Variants in KANK1 observed in about 807,000 individuals in gnomAD.
KANK1 encodes KN motif and ankyrin repeat domains 1.
In KANK1, 109 loss-of-function variants were observed where a neutral mutation model predicts 106.2. The ratio of observed to expected loss-of-function variants is 1.03; its 90% CI spans 0.88 to 1.20. The LOEUF is 1.20. Ranked by LOEUF, KANK1 falls within the 50% of genes most tolerant of loss-of-function variation. The pLI, the probability that KANK1 is intolerant of heterozygous loss-of-function variation, is 0.00. For synonymous variants in KANK1, 873 were observed against 652.2 expected (o/e 1.34, Z -5.16); for missense variants, 2,399 against 1,710.7 (o/e 1.40, Z -7.10).
intron 2 of KANK1, among the ~76,000 whole-genome samples, chr9:710,049 C>T (rs992742055): frequency 6.6e-6 from 1 of 152,140 alleles, no homozygotes; most frequent in African/African-American, 2.4e-5. Flanking sequence ...ACATTTTAGA[C>T]TACAAAAGTG....
At chr9:738,559 C>T in intron 8 of KANK1, 55 bp downstream of exon 8, 22 of 1,405,928 alleles carry the variant, frequency 1.6e-5, no homozygotes, top group South Asian at 2.3e-5. Context: ...GGTTGTGACT[C>T]ATCTCAGAGA....
chr9:472,944 T>C (rs774115218), intron 2 of KANK1, among the ~76,000 whole-genome samples: 5 of 152,198 alleles, frequency 3.3e-5, no homozygotes, highest in Non-Finnish European at 7.3e-5. Flanking sequence ...CAGCTCAGAT[T>C]ACAAAACTAT....
intron 1 of KANK1, among the ~76,000 whole-genome samples, chr9:543,559 CAAAAAAA>C (rs57776331): frequency 8.3e-6 from 1 of 120,484 alleles, no homozygotes; most frequent in Non-Finnish European, 1.9e-5. Flanking sequence ...AACTCTGTCT[CAAAAAAA>C]AAAAAAAAAA....
At chr9:526,417 A>G (rs978488391) in intron 1 of KANK1, among the ~76,000 whole-genome samples, 8 of 151,740 alleles carry the variant, frequency 5.3e-5, no homozygotes, top group Non-Finnish European at 1.2e-4. Context: ...TATTGGCTCT[A>G]GGACAGATTT....
At position 711,758 on chromosome 9, in the gene KANK1, A is replaced by G; in HGVS notation, c.992A>G (p.Gln331Arg). The change falls in exon 3 of 12, where the codon CAG becomes CGG. Residue 331 changes from glutamine to arginine, a missense_variant. Gln to Arg is a conservative substitution (Grantham distance 43). Coordinates refer to ENST00000382297, the MANE Select transcript of KANK1 (RefSeq NM_015158.5). ...KRSYSAGNAS[Q>R]LEQLSRARRS... ...TCCTATAGTGCGGGGAACGCCTCCC[A>G]GCTGGAACAGCTCTCCCGGGCCCGA... is the stretch of plus-strand genomic sequence containing the variant. The G allele has an allele frequency of 6.2e-7, 1 of 1,614,252 alleles. No homozygotes were observed. The highest frequency in any genetic ancestry group is 8.5e-7 in the Non-Finnish European group (1 of 1,180,040).
At chr9:475,033 CAAAT>C (rs2058080224) in intron 3 of KANK1, among the ~76,000 whole-genome samples, 1 of 152,008 alleles carries the variant, frequency 6.6e-6, no homozygotes, top group Non-Finnish European at 1.5e-5. Flanking sequence ...CCGTCTCTCT[CAAAT>C]AATAACTGGT....
rs565691964 is a variant in KANK1 at position 733,340 on chromosome 9, A to C, written c.3245+723A>C. The C allele has an allele frequency of 2.0e-5, 3 of 152,382 alleles. No individual in the cohort carries two copies. In the South Asian group the frequency reaches 6.2e-4, roughly 32 times the overall value. The allele number at this position is 152,382 out of a possible 1,614,324, so 9.4% of individuals were successfully genotyped here. A position where few individuals can be genotyped will look rare whatever the true frequency, so the allele number is the denominator to read the frequency against. Reference sequence around the variant, plus strand: ...TTACCTCTATTTAATTTGGCAAATGAAAGTTTAACTGCATTAAAACAAGGT... The same window carrying C: ...TTACCTCTATTTAATTTGGCAAATGCAAGTTTAACTGCATTAAAACAAGGT... On this transcript the variant is annotated intron_variant, in intron 6 of 11. Transcript: ENST00000382297.
intron 9 of KANK1, among the ~76,000 whole-genome samples, chr9:741,523 T>TAA (rs1835517848): frequency 6.7e-6 from 1 of 148,166 alleles, no homozygotes; most frequent in South Asian, 2.2e-4. Context: ...AGTCTCATTC[T>TAA]GTCACCCAGG....
intron 1 of KANK1, among the ~76,000 whole-genome samples, chr9:664,479 T>C (rs1270992471): frequency 6.6e-6 from 1 of 152,192 alleles, no homozygotes; most frequent in Non-Finnish European, 1.5e-5. Flanking sequence ...TATTATTTTG[T>C]AGAGACAGAG....
At chr9:677,317 T>C (rs996089154) in intron 2 of KANK1, among the ~76,000 whole-genome samples, 10 of 152,360 alleles carry the variant, frequency 6.6e-5, no homozygotes, top group African/African-American at 2.4e-4. Context: ...TGCACTTCTT[T>C]CTGAGGGATT....
chr9:545,462 C>T (rs1014714965), intron 1 of KANK1, among the ~76,000 whole-genome samples: 1 of 152,052 alleles, frequency 6.6e-6, no homozygotes, highest in Non-Finnish European at 1.5e-5. Context: ...GATAAGATCA[C>T]CTAGTTAGAG....
chr9:601,392 C>G (rs946708581), intron 1 of KANK1, among the ~76,000 whole-genome samples: 2 of 151,856 alleles, frequency 1.3e-5, no homozygotes, highest in African/African-American at 4.9e-5. Flanking sequence ...ACTCTTTAAA[C>G]TCCCACAGTT....
intron 1 of KANK1, among the ~76,000 whole-genome samples, chr9:670,949 GTTTTTT>G (rs5895857): frequency 3.9e-5 from 4 of 103,044 alleles, no homozygotes; most frequent in Admixed American, 1.0e-4. Flanking sequence ...GTCTGCTGGA[GTTTTTT>G]TTTTTTTTTT....
At chr9:581,194 G>C (rs1161799439) in intron 1 of KANK1, among the ~76,000 whole-genome samples, 4 of 152,196 alleles carry the variant, frequency 2.6e-5, no homozygotes, top group Admixed American at 2.6e-4. Context: ...GCCGGCTCCG[G>C]CCTCGGCCAG....
chr9:605,565 C>T (rs573438270), intron 1 of KANK1, among the ~76,000 whole-genome samples: 2 of 151,786 alleles, frequency 1.3e-5, no homozygotes, highest in East Asian at 1.9e-4. Context: ...GGTAAGAGAG[C>T]GTTAAACATG....
intron 1 of KANK1, chr9:540,757 T>C (rs532595369): frequency 1.3e-5 from 2 of 152,356 alleles, no homozygotes; most frequent in South Asian, 4.1e-4. Context: ...GTAAGTTGTA[T>C]GTTTCTAGGA....
chr9:694,045 G>T (rs964685385), intron 2 of KANK1, among the ~76,000 whole-genome samples: 1 of 152,116 alleles, frequency 6.6e-6, no homozygotes, highest in South Asian at 2.1e-4. Context: ...TTGAGTTTAA[G>T]GTTTAGTTCA....
At position 616,389 on chromosome 9, in the gene KANK1, T is replaced by G. The variant is rs78837632; in HGVS notation, c.-83-60501T>G. Among the ~76,000 whole-genome samples the G allele has an allele frequency of 2.6e-4, 39 of 152,284 alleles. No individual in the cohort carries two copies. The East Asian group carries it at 6.7e-3, about 26-fold the overall frequency. On this transcript the variant is annotated intron_variant, in intron 1 of 11. Coordinates refer to ENST00000382297, the MANE Select transcript of KANK1 (RefSeq NM_015158.5). ...TTAGAATGGACATCCTGAACACCAC[T>G]TAAATTACCATCAAACTGCATAGCC...
chr9:616,315 T>G (rs1255796551), intron 1 of KANK1, among the ~76,000 whole-genome samples: 1 of 152,174 alleles, frequency 6.6e-6, no homozygotes, highest in Non-Finnish European at 1.5e-5. Context: ...CTGTATCAAC[T>G]CGTGTCTGAA....
Sources: gnomAD v4.1 joint callset for allele counts (sites outside exome capture counted in the v4.1 genomes callset) on GRCh38, gnomAD v4.1.1 for gene constraint, MANE v1.5 for transcripts, NCBI Gene and HGNC (gene_info 2026-07-23, HGNC 2026-07-21) for gene names.